The following NRXN1 variants were observed in gnomAD, a reference collection of about 807,000 sequenced individuals.
The protein encoded by NRXN1 is neurexin-1.
In NRXN1, 39 loss-of-function variants were observed where a neutral mutation model predicts 150.9. The ratio of observed to expected loss-of-function variants is 0.26; its 90% CI spans 0.20 to 0.34. The LOEUF is 0.34. NRXN1 is among the 10% of genes least tolerant of loss of function. The probability of loss-of-function intolerance (pLI) is 1.00; values close to 1 mark genes in which losing one functional copy is unlikely to be tolerated. For synonymous variants in NRXN1, 924 were observed against 757.0 expected, an observed-to-expected ratio of 1.22 and a Z score of -3.62; for missense variants, 1,815 against 1,949.9, an observed-to-expected ratio of 0.93 and a Z score of 1.30.
chr2:50,744,426 T>C (rs1013959587), intron 5 of NRXN1, among the ~76,000 whole-genome samples: 1 of 152,102 alleles, frequency 6.6e-6, no homozygotes, highest in African/African-American at 2.4e-5. Context: ...ATAAAAACAT[T>C]AATTATAACA....
At chr2:50,103,245 T>A (rs1403808840) in intron 18 of NRXN1, among the ~76,000 whole-genome samples, 1 of 152,038 alleles carries the variant, frequency 6.6e-6, no homozygotes, top group Non-Finnish European at 1.5e-5. Flanking sequence ...ATGTAACATG[T>A]TTAGTTTCTT....
intron 5 of NRXN1, among the ~76,000 whole-genome samples, chr2:50,880,655 C>A (rs1017561951): frequency 6.6e-6 from 1 of 151,972 alleles, no homozygotes; most frequent in African/African-American, 2.4e-5. Context: ...ACGAGGTTAA[C>A]AGAAGAATCA....
chr2:49,993,737 A>G (rs920195200), intron 21 of NRXN1, among the ~76,000 whole-genome samples: 8 of 152,184 alleles, frequency 5.3e-5, no homozygotes, highest in Non-Finnish European at 1.0e-4. Flanking sequence ...ATTAAAAGAC[A>G]TTTAGAAATC....
At chr2:50,506,351 T>C (rs376006590) in intron 13 of NRXN1, 144 bp downstream of exon 13, 7 of 646,658 alleles carry the variant, frequency 1.1e-5, no homozygotes, top group East Asian at 3.1e-5. Flanking sequence ...TTTAATAAAA[T>C]AGTTACTAGA....
At chr2:50,691,316 T>TACTATATGCC (rs969792066) in intron 5 of NRXN1, among the ~76,000 whole-genome samples, 1 of 152,046 alleles carries the variant, frequency 6.6e-6, no homozygotes, top group Non-Finnish European at 1.5e-5. Flanking sequence ...TGAAAAACCG[T>TACTATATGCC]TAAGTGGAAA....
At chr2:50,933,984 T>C (rs535347304) in intron 2 of NRXN1, among the ~76,000 whole-genome samples, 6 of 152,262 alleles carry the variant, frequency 3.9e-5, no homozygotes, top group African/African-American at 1.4e-4. Context: ...CAAGTCTGCA[T>C]TTCTACCAAA....
chr2:50,144,074 C>T (rs571083624), intron 18 of NRXN1, among the ~76,000 whole-genome samples: 1 of 151,972 alleles, frequency 6.6e-6, no homozygotes, highest in East Asian at 1.9e-4. Context: ...TATTCACTAT[C>T]ATCCCCACTC....
chr2:50,520,731 CAG>C (rs1358812795), intron 12 of NRXN1, among the ~76,000 whole-genome samples: 1 of 151,828 alleles, frequency 6.6e-6, no homozygotes, highest in Non-Finnish European at 1.5e-5. Context: ...ATTTATTAAA[CAG>C]AATTTATTTT....
At chr2:50,292,581 A>T (rs954598881) in intron 17 of NRXN1, among the ~76,000 whole-genome samples, 14 of 152,310 alleles carry the variant, frequency 9.2e-5, no homozygotes, top group African/African-American at 3.4e-4. Flanking sequence ...TGGGTGGGCT[A>T]AGCAAGGATC....
At position 51,017,824 on chromosome 2, in the gene NRXN1, C is replaced by T. The variant is rs565024279; in HGVS notation, c.772+9678G>A. ...TTTAAATAAATAATTACATTATTTG[C>T]TGGAAAATAAATCAATTTTTCACCA... On this transcript the variant is annotated intron_variant, in intron 2 of 22. Transcript: ENST00000401669. 5.3e-5 allele frequency among the ~76,000 whole-genome samples: 8 copies of T among 152,026 alleles called. No homozygotes were observed. In the South Asian group the frequency reaches 1.7e-3, roughly 32 times the overall value.
chr2:51,013,298 G>C (rs920151284), intron 2 of NRXN1, among the ~76,000 whole-genome samples: 2 of 152,028 alleles, frequency 1.3e-5, no homozygotes, highest in African/African-American at 4.8e-5. Flanking sequence ...TGGAGAGCCT[G>C]CCCAGAGTGT....
intron 5 of NRXN1, among the ~76,000 whole-genome samples, chr2:50,673,338 T>G (rs1689117243): frequency 6.6e-6 from 1 of 152,156 alleles, no homozygotes; most frequent in Non-Finnish European, 1.5e-5. Flanking sequence ...AAGTGCTTAT[T>G]TGCTAAATTA....
At chr2:50,502,491 C>T (rs1410013109) in intron 13 of NRXN1, among the ~76,000 whole-genome samples, 1 of 152,052 alleles carries the variant, frequency 6.6e-6, no homozygotes, top group Non-Finnish European at 1.5e-5. Context: ...CAAACACACA[C>T]ACACACGAGT....
intron 8 of NRXN1, among the ~76,000 whole-genome samples, chr2:50,612,592 C>G (rs1452154627): frequency 6.6e-6 from 1 of 152,164 alleles, no homozygotes; most frequent in Non-Finnish European, 1.5e-5. Flanking sequence ...TATGCTTTCT[C>G]TGGAATATGC....
At chr2:50,945,043 T>C (rs575245150) in intron 2 of NRXN1, among the ~76,000 whole-genome samples, 1 of 152,312 alleles carries the variant, frequency 6.6e-6, no homozygotes, top group East Asian at 1.9e-4. Context: ...CTTCAGACCA[T>C]GATCTAGATG....
At chr2:50,877,564 A>G (rs1204060222) in intron 5 of NRXN1, among the ~76,000 whole-genome samples, 3 of 151,948 alleles carry the variant, frequency 2.0e-5, no homozygotes. Flanking sequence ...ATTGAACACT[A>G]AGTTATATAC....
At chr2:50,106,685 T>C (rs1025194569) in intron 18 of NRXN1, among the ~76,000 whole-genome samples, 2 of 151,992 alleles carry the variant, frequency 1.3e-5, no homozygotes, top group African/African-American at 2.4e-5. Flanking sequence ...GTAATTATAA[T>C]ACAATTTTCT....
At chr2:50,130,609 C>T (rs1456846345) in intron 18 of NRXN1, among the ~76,000 whole-genome samples, 1 of 152,128 alleles carries the variant, frequency 6.6e-6, no homozygotes, top group Non-Finnish European at 1.5e-5. Flanking sequence ...GAAAGAAAAA[C>T]ATGCAAACAA....
At chr2:50,131,961 T>C (rs1297076651) in intron 18 of NRXN1, among the ~76,000 whole-genome samples, 1 of 152,176 alleles carries the variant, frequency 6.6e-6, no homozygotes, top group African/African-American at 2.4e-5. Flanking sequence ...GTTGTGGTTT[T>C]CAGTGAGTGT....
Sources: allele counts gnomAD v4.1 joint callset (sites outside exome capture counted in the v4.1 genomes callset), GRCh38; gene constraint gnomAD v4.1.1; transcripts MANE v1.5; gene names NCBI Gene and HGNC (gene_info 2026-07-23, HGNC 2026-07-21).